Variants in KIAA0319L observed in about 807,000 individuals in gnomAD.
KIAA0319L encodes dyslexia-associated protein KIAA0319-like protein.
Under a neutral mutation model 120.1 loss-of-function variants are expected in KIAA0319L, and 55 were observed. That is an observed-to-expected ratio of 0.46 (90% CI 0.37 to 0.57). KIAA0319L has a LOEUF of 0.57. KIAA0319L is among the 20% of genes least tolerant of loss of function. The pLI, the probability that KIAA0319L is intolerant of heterozygous loss-of-function variation, is 0.00. For missense variants in KIAA0319L, 1,049 were observed against 1,255.3 expected (o/e 0.84, Z 2.48); for synonymous variants, 398 against 471.9 (o/e 0.84, Z 2.03).
rs542004074 is a variant in KIAA0319L at position 35,482,491 on chromosome 1, G to A, written c.667-3279C>T. On this transcript the variant is annotated intron_variant, in intron 3 of 20. Coordinates refer to ENST00000325722, the MANE Select transcript of KIAA0319L (RefSeq NM_024874.5). ...GTTGCCCAGGCTGGAGTGCAATGGC[G>A]CAATCTCGGTTCACCACAACCTCCG... Among the ~76,000 whole-genome samples, 26 of 149,570 alleles carry A rather than the reference G, an allele frequency of 1.7e-4. No individual in the cohort carries two copies. In the South Asian group the frequency reaches 4.3e-3, roughly 25 times the overall value.
At chr1:35,471,132 TGCTGCTGACTCA>T (rs886718855) in intron 5 of KIAA0319L, among the ~76,000 whole-genome samples, 172 bp from the exon 6 acceptor site, 8 of 152,202 alleles carry the variant, frequency 5.3e-5, no homozygotes, top group Admixed American at 5.2e-4. Flanking sequence ...AAAGAGCGAA[TGCTGCTGACTCA>T]GCTACAGTTA....
At position 35,532,236 on chromosome 1, in the gene KIAA0319L, G is replaced by A. The variant is rs1487350719; in HGVS notation, c.142+22114C>T. Among the ~76,000 whole-genome samples the A allele has an allele frequency of 2.8e-5, 4 of 145,108 alleles. No homozygotes were observed. The Admixed American group carries it at 2.8e-4, about 10-fold the overall frequency. ...AGCCTGGGCGACAGAGTGAGACTCC[G>A]TCTCAAAAAAAAAAAAAAAGAGGAA... On this transcript the variant is annotated intron_variant, in intron 2 of 20. Coordinates refer to ENST00000325722, the MANE Select transcript of KIAA0319L (RefSeq NM_024874.5).
intron 3 of KIAA0319L, among the ~76,000 whole-genome samples, chr1:35,496,808 G>A (rs998479443): frequency 6.6e-5 from 10 of 151,974 alleles, no homozygotes; most frequent in Admixed American, 3.3e-4. Context: ...TTAGCTGGGC[G>A]TGGTGGCACA....
chr1:35,477,408 C>A (rs1284285244), intron 4 of KIAA0319L, among the ~76,000 whole-genome samples: 1 of 152,182 alleles, frequency 6.6e-6, no homozygotes, highest in African/African-American at 2.4e-5. Context: ...TGGCTCACGC[C>A]TGTAATCCCA....
At chr1:35,534,807 C>T (rs530225061) in intron 2 of KIAA0319L, among the ~76,000 whole-genome samples, 3 of 135,870 alleles carry the variant, frequency 2.2e-5, no homozygotes, top group South Asian at 2.2e-4. Context: ...TGCAGTGAGA[C>T]GAGATCGGGC....
intron 3 of KIAA0319L, among the ~76,000 whole-genome samples, chr1:35,494,802 C>A (rs952439115): frequency 2.6e-5 from 4 of 152,238 alleles, no homozygotes; most frequent in Middle Eastern, 6.8e-3. Flanking sequence ...CACAGTGAGA[C>A]CCTGTCTCAA....
intron 2 of KIAA0319L, among the ~76,000 whole-genome samples, chr1:35,536,466 T>C (rs900349638): frequency 2.0e-5 from 3 of 152,204 alleles, no homozygotes; most frequent in African/African-American, 7.2e-5. Context: ...CCAGTTCACC[T>C]AGGCAAAGAG....
intron 3 of KIAA0319L, among the ~76,000 whole-genome samples, chr1:35,492,386 C>T (rs1304343434): frequency 3.3e-5 from 5 of 151,892 alleles, no homozygotes; most frequent in East Asian, 1.9e-4. Flanking sequence ...TGGTGGCATG[C>T]GCCTGTAGTC....
chr1:35,516,086 G>A (rs1433874651), intron 2 of KIAA0319L, among the ~76,000 whole-genome samples: 1 of 152,060 alleles, frequency 6.6e-6, no homozygotes, highest in Non-Finnish European at 1.5e-5. Flanking sequence ...AAAAGCCCAA[G>A]ACCAGATGGA....
intron 7 of KIAA0319L, among the ~76,000 whole-genome samples, chr1:35,464,938 C>T (rs970938498): frequency 6.6e-6 from 1 of 152,204 alleles, no homozygotes; most frequent in Non-Finnish European, 1.5e-5. Context: ...CCTGCAAGTA[C>T]ACAGAAGTCA....
intron 20 of KIAA0319L, among the ~76,000 whole-genome samples, chr1:35,436,788 T>C (rs1188635): frequency 0.01 from 1,549 of 152,180 alleles, 26 homozygotes; most frequent in African/African-American, 0.032. Flanking sequence ...TCAGTTACTG[T>C]TCATCCTCAG....
intron 2 of KIAA0319L, among the ~76,000 whole-genome samples, chr1:35,527,178 A>G (rs1250796549): frequency 2.0e-5 from 3 of 147,944 alleles, no homozygotes; most frequent in Non-Finnish European, 4.4e-5. Context: ...TTCTGTTGAC[A>G]TGATGTATCA....
intron 2 of KIAA0319L, among the ~76,000 whole-genome samples, chr1:35,524,691 G>A (rs567740169): frequency 7.2e-5 from 11 of 152,280 alleles, no homozygotes; most frequent in Non-Finnish European, 1.2e-4. Flanking sequence ...ATGATCAGAA[G>A]CACATCTTTT....
intron 2 of KIAA0319L, among the ~76,000 whole-genome samples, chr1:35,516,437 T>G (rs1450005760): frequency 6.6e-6 from 1 of 152,032 alleles, no homozygotes; most frequent in Non-Finnish European, 1.5e-5. Context: ...TAAAAAGAAC[T>G]AAAGACAAAA....
intron 2 of KIAA0319L, among the ~76,000 whole-genome samples, chr1:35,545,952 T>C (rs558347867): frequency 6.6e-5 from 10 of 152,128 alleles, no homozygotes; most frequent in African/African-American, 1.9e-4. Context: ...AGAGGTGGTC[T>C]TTTCATGGTT....
chr1:35,454,110 C>G, intron 11 of KIAA0319L: 1 of 478,480 alleles, frequency 2.1e-6, no homozygotes, highest in East Asian at 3.1e-5. Context: ...ATGGCATAAA[C>G]TCTATTTCCT....
chr1:35,523,616 G>A (rs774362143), intron 2 of KIAA0319L, among the ~76,000 whole-genome samples: 3 of 152,112 alleles, frequency 2.0e-5, no homozygotes, highest in South Asian at 2.1e-4. Context: ...TAATGATTAC[G>A]GGTAGAACGT....
At chr1:35,527,637 A>G (rs1166943633) in intron 2 of KIAA0319L, among the ~76,000 whole-genome samples, 1 of 151,972 alleles carries the variant, frequency 6.6e-6, no homozygotes, top group Non-Finnish European at 1.5e-5. Flanking sequence ...GGTAGGTTTT[A>G]TGTGTCCACG....
At chr1:35,522,615 GTATTAT>G (rs978325408) in intron 2 of KIAA0319L, among the ~76,000 whole-genome samples, 13 of 151,892 alleles carry the variant, frequency 8.6e-5, no homozygotes, top group African/African-American at 3.1e-4. Context: ...CAATGTACCC[GTATTAT>G]TTTCTTTTGA....
Sources: allele counts gnomAD v4.1 joint callset (sites outside exome capture counted in the v4.1 genomes callset), GRCh38; gene constraint gnomAD v4.1.1; transcripts MANE v1.5; gene names NCBI Gene and HGNC (gene_info 2026-07-23, HGNC 2026-07-21).